Variants in SCAF8 observed in about 807,000 individuals in gnomAD.
SCAF8 encodes the protein SR-related and CTD-associated factor 8.
SCAF8 carries 23 observed loss-of-function variants against 140.5 expected under a neutral mutation model. The observed-to-expected ratio is 0.16, with a 90% confidence interval of 0.12 to 0.23. The LOEUF (loss-of-function observed/expected upper bound fraction) is 0.23, where lower values mean the gene tolerates loss of function less well. SCAF8 is among the 10% of genes least tolerant of loss of function. The pLI is 1.00. For missense variants in SCAF8, 1,397 were observed against 1,555.7 expected, an observed-to-expected ratio of 0.90 and a Z score of 1.72; for synonymous variants, 575 against 528.9, an observed-to-expected ratio of 1.09 and a Z score of -1.20.
intron 6 of SCAF8, among the ~76,000 whole-genome samples, chr6:154,796,573 T>G (rs1319091093): frequency 1.3e-5 from 2 of 152,240 alleles, no homozygotes; most frequent in African/African-American, 4.8e-5. Context: ...TTAGGATTAT[T>G]GCTTGCTTTG....
At chr6:154,770,369 TACACACACAC>T (rs1226898910) in intron 1 of SCAF8, among the ~76,000 whole-genome samples, 1 of 146,372 alleles carries the variant, frequency 6.8e-6, no homozygotes, top group Non-Finnish European at 1.5e-5. Context: ...GAGGTTGAGG[TACACACACAC>T]ACACACACAC....
At chr6:154,772,546 C>T (rs1409988093) in intron 1 of SCAF8, among the ~76,000 whole-genome samples, 1 of 151,948 alleles carries the variant, frequency 6.6e-6, no homozygotes, top group Admixed American at 6.6e-5. Context: ...AAAAATTAGC[C>T]CATGTGGTGG....
chr6:154,735,114 ACT>A (rs1409544413), intron 1 of SCAF8, among the ~76,000 whole-genome samples: 8 of 149,594 alleles, frequency 5.3e-5, no homozygotes, highest in Non-Finnish European at 1.0e-4. Flanking sequence ...ACAGAGTGAG[ACT>A]CTGTCTACAA....
intron 1 of SCAF8, among the ~76,000 whole-genome samples, chr6:154,745,183 GAT>G (rs1332878459): frequency 3.9e-5 from 6 of 152,116 alleles, no homozygotes; most frequent in African/African-American, 1.4e-4. Flanking sequence ...CCTTTGAGAT[GAT>G]ATTTGATTAA....
Position 154,805,375 on chromosome 6 carries a change from C to A in SCAF8, c.870C>A (p.His290Gln). The A allele has an allele frequency of 1.3e-6, 2 of 1,596,434 alleles. No homozygotes were observed. Among genetic ancestry groups the A allele is most frequent in the Non-Finnish European group, 1.7e-6 (2 of 1,165,422 alleles). ...CACCTGTTTTTCCTTTTAGTTCTCACGTTTCAGAATCTGTGAACAATTCCA... is the reference window on the plus strand; with the variant it reads ...CACCTGTTTTTCCTTTTAGTTCTCAAGTTTCAGAATCTGTGAACAATTCCA... ...KKEIPASQLSHVSESVNNSIF... is the reference protein window; with the variant it reads ...KKEIPASQLSQVSESVNNSIF... The change falls in exon 9 of 20, where the codon CAC becomes CAA. Residue 290 changes from histidine (H) to glutamine (Q), a missense_variant. His to Gln is a conservative substitution (Grantham distance 24, BLOSUM62 0). Coordinates refer to ENST00000367178, the MANE Select transcript of SCAF8 (RefSeq NM_014892.5).
Position 154,822,361 on chromosome 6 carries a change from G to C in SCAF8, c.1878G>C (p.Val626=). The change falls in exon 16 of 20, where the codon GTG becomes GTC. Residue 626 remains valine (V), a synonymous_variant. Transcript: ENST00000367178. Reference sequence around the variant, plus strand: ...CAACTCCAGTTGAAAAGGAGACAGTGGTCACAACCCAGGCAGAGGTTTTCC... The same window carrying C: ...CAACTCCAGTTGAAAAGGAGACAGTCGTCACAACCCAGGCAGAGGTTTTCC... ...QSPTPVEKET[V]VTTQAEVFPP... The C allele has an allele frequency of 1.2e-6, 2 of 1,613,716 alleles. No homozygotes were observed. The highest frequency in any genetic ancestry group is 1.7e-6 in the Non-Finnish European group (2 of 1,179,744).
rs576968938 is a variant in SCAF8, at chr6:154,833,034, G to A, written c.3455G>A (p.Arg1152His). 2.6e-5 allele frequency: 42 copies of A among 1,614,094 alleles called. No homozygotes were observed. In the South Asian group the frequency reaches 3.6e-4, roughly 14 times the overall value. The stretch of plus-strand genomic sequence containing the variant: ...GAAGTTCACAGAGATTTTGATGACC[G>A]CAGAAGACCCTGGGAGAGGCAAAGG... ...GQEVHRDFDD[R>H]RRPWERQRDR... The change falls in exon 20 of 20, where the codon CGC becomes CAC. Residue 1152 changes from arginine (R) to histidine (H), a missense_variant. Physicochemically the swap from Arg to His is conservative, Grantham distance 29 (BLOSUM62 0). Transcript: ENST00000367178.
In SCAF8 at chr6:154,832,776, A is replaced by C. The variant is rs1449429151; in HGVS notation, c.3197A>C (p.Asp1066Ala). The change falls in exon 20 of 20, where the codon GAT becomes GCT. Residue 1066 changes from aspartate (D) to alanine (A), a missense_variant. Asp to Ala is a moderately radical substitution (Grantham distance 126, BLOSUM62 -2). Coordinates refer to ENST00000367178, the MANE Select transcript of SCAF8 (RefSeq NM_014892.5). ...GATCATTTTGGAAGACCTCCTGTAG[A>C]TATAAGAGAGAATCTTGTGAGGCCA... Reference protein sequence around the residue: ...GRDHFGRPPVDIRENLVRPGI... With the variant: ...GRDHFGRPPVAIRENLVRPGI... 17 of 1,613,698 alleles carry C rather than the reference A, an allele frequency of 1.1e-5. No individual in the cohort carries two copies. The highest frequency in any genetic ancestry group is 1.7e-5 in the Admixed American group (1 of 59,946).
At chr6:154,747,520 CA>C (rs749981212) in intron 1 of SCAF8, among the ~76,000 whole-genome samples, 1 of 151,780 alleles carries the variant, frequency 6.6e-6, no homozygotes, top group Non-Finnish European at 1.5e-5. Context: ...CAAAACAAAA[CA>C]AAAAAACCCA....
chr6:154,770,476 T>G (rs1776721105), intron 1 of SCAF8, among the ~76,000 whole-genome samples: 2 of 150,534 alleles, frequency 1.3e-5, no homozygotes, highest in African/African-American at 4.9e-5. Flanking sequence ...GAGGTTGAGG[T>G]AGGAGGACCC....
At chr6:154,816,070 A>T (rs994892771) in intron 13 of SCAF8, among the ~76,000 whole-genome samples, 9 of 152,306 alleles carry the variant, frequency 5.9e-5, no homozygotes, top group Admixed American at 5.2e-4. Context: ...GATTCCTGAC[A>T]TCATCAAATG....
At chr6:154,796,887 G>A (rs1052280676) in intron 6 of SCAF8, among the ~76,000 whole-genome samples, 1 of 151,838 alleles carries the variant, frequency 6.6e-6, no homozygotes, top group African/African-American at 2.4e-5. Flanking sequence ...CAGGAGAATC[G>A]CTTGAACCTC....
At chr6:154,827,299 A>G in intron 18 of SCAF8, 59 bp downstream of exon 18, 2 of 1,148,802 alleles carry the variant, frequency 1.7e-6, no homozygotes, top group South Asian at 2.8e-5. Flanking sequence ...TTAGTGTGTC[A>G]GTTCTCATTC....
intron 1 of SCAF8, among the ~76,000 whole-genome samples, chr6:154,767,653 C>T (rs1167598573): frequency 1.3e-5 from 2 of 151,030 alleles, no homozygotes; most frequent in African/African-American, 4.9e-5. Flanking sequence ...GATCCTCACA[C>T]CTCAGCCTGT....
At chr6:154,814,498 T>G (rs1778190963) in intron 12 of SCAF8, among the ~76,000 whole-genome samples, 1 of 152,136 alleles carries the variant, frequency 6.6e-6, no homozygotes, top group Non-Finnish European at 1.5e-5. Context: ...TAGAAGATGT[T>G]AGAGTTCTGA....
At chr6:154,776,226 A>G (rs1023832880) in intron 2 of SCAF8, among the ~76,000 whole-genome samples, 1 of 151,752 alleles carries the variant, frequency 6.6e-6, no homozygotes, top group Non-Finnish European at 1.5e-5. Flanking sequence ...TGACATTGAC[A>G]TTTTTGAAGC....
intron 2 of SCAF8, among the ~76,000 whole-genome samples, chr6:154,774,947 A>G (rs961333233): frequency 6.6e-6 from 1 of 152,208 alleles, no homozygotes; most frequent in Admixed American, 6.5e-5. Flanking sequence ...AAAATTGAGA[A>G]TGAATGAGTA....
chr6:154,812,117 C>A (rs1452603898), intron 12 of SCAF8, among the ~76,000 whole-genome samples: 1 of 150,466 alleles, frequency 6.6e-6, no homozygotes, highest in East Asian at 1.9e-4. Context: ...AACGCATAAC[C>A]AAATACAGGC....
chr6:154,733,513 G>A lies in SCAF8; in HGVS notation c.-388G>A, dbSNP rs985519915. ...CCCGAGCGGCGGGGAGGTGAAACAGGAGCCCGTCGGAGGAAGGGGCAGAAG... is the reference window on the plus strand; with the variant it reads ...CCCGAGCGGCGGGGAGGTGAAACAGAAGCCCGTCGGAGGAAGGGGCAGAAG... On this transcript the variant is annotated 5_prime_UTR_variant, in exon 1 of 20. Coordinates refer to ENST00000367178, the MANE Select transcript of SCAF8 (RefSeq NM_014892.5). 2.3e-6 allele frequency: 3 copies of A among 1,309,748 alleles called. No homozygotes were observed. Among genetic ancestry groups the A allele is most frequent in the African/African-American group, 1.5e-5 (1 of 65,080 alleles). 81.1% of individuals were successfully genotyped at this position (1,309,748 alleles called of 1,614,324 possible).
Sources: allele counts gnomAD v4.1 joint callset (sites outside exome capture counted in the v4.1 genomes callset), GRCh38; gene constraint gnomAD v4.1.1; transcripts MANE v1.5; gene names NCBI Gene and HGNC (gene_info 2026-07-23, HGNC 2026-07-21).